Variants in POLR1C observed in about 807,000 individuals in gnomAD.
The protein encoded by POLR1C is DNA-directed RNA polymerases I and III subunit RPAC1.
Under a neutral mutation model 38.3 loss-of-function variants are expected in POLR1C, and 42 were observed. The observed-to-expected ratio is 1.10, with a 90% CI of 0.86 to 1.42. The LOEUF (loss-of-function observed/expected upper bound fraction) is 1.42, where lower values mean the gene tolerates loss of function less well. POLR1C is among the 40% of genes most tolerant of loss of function. POLR1C has a pLI of 0.00. For synonymous variants in POLR1C, 163 were observed against 163.9 expected, an observed-to-expected ratio of 0.99 and a Z score of 0.04; for missense variants, 507 against 450.5, an observed-to-expected ratio of 1.13 and a Z score of -1.14.
In POLR1C at chr6:43,562,397, T is replaced by C. The variant is rs995578351; in HGVS notation, c.*1046T>C. The C allele has an allele frequency of 1.5e-5, 20 of 1,305,076 alleles. No homozygotes were observed. In the Middle Eastern group the frequency reaches 7.2e-4, roughly 47 times the overall value. The allele number at this position is 1,305,076 out of a possible 1,614,324, so 80.8% of individuals were successfully genotyped here. A position where few individuals can be genotyped will look rare whatever the true frequency, so the allele number is the denominator to read the frequency against. On this transcript the variant is annotated 3_prime_UTR_variant, in exon 11 of 11. Coordinates refer to the POLR1C transcript ENST00000607635. ...ACCAACAAAATTAAAAAGGCTGTAA[T>C]AAAAACATCACTTTGTGTCTCATTT...
chr6:43,528,205 T>C, intron 8 of POLR1C: 1 of 1,590,340 alleles, frequency 6.3e-7, no homozygotes, highest in South Asian at 1.1e-5. Flanking sequence ...TGAGAAAGCC[T>C]CTGGGAAAAC....
At chr6:43,551,769 G>T (rs1425073857) in intron 10 of POLR1C, among the ~76,000 whole-genome samples, 2 of 152,078 alleles carry the variant, frequency 1.3e-5, no homozygotes, top group African/African-American at 4.8e-5. Flanking sequence ...GGTTTCAAGT[G>T]ATCCTACGGC....
chr6:43,551,065 T>C (rs981271645), intron 10 of POLR1C: 3 of 345,370 alleles, frequency 8.7e-6, no homozygotes, highest in African/African-American at 6.3e-5. Flanking sequence ...TTTATTAGTT[T>C]GCCTCACATA....
downstream of POLR1C, chr6:43,525,338 T>C (rs1793509447): frequency 1.1e-6 from 1 of 928,746 alleles, no homozygotes; most frequent in Non-Finnish European, 1.6e-6. Context: ...TGGGTTTGTT[T>C]TGTTGCCCAG....
At chr6:43,551,481 C>A (rs746570607) in intron 10 of POLR1C, 1 of 1,604,256 alleles carries the variant, frequency 6.2e-7, no homozygotes, top group South Asian at 1.1e-5. Context: ...AACAGGTTGA[C>A]AATGGCTGCC....
downstream of POLR1C, chr6:43,522,315 A>C (rs1280876759): frequency 6.5e-6 from 1 of 152,684 alleles, no homozygotes; most frequent in African/African-American, 2.4e-5. Flanking sequence ...GACTAGGTTG[A>C]AAAAGGCAGA....
At chr6:43,562,254 G>A (rs755890536) in exon 11 of POLR1C, 1 of 1,605,208 alleles carries the variant, frequency 6.2e-7, no homozygotes, top group East Asian at 2.2e-5. Flanking sequence ...CACCAGCAAT[G>A]CACACAGCTG....
intron 9 of POLR1C, among the ~76,000 whole-genome samples, chr6:43,538,032 C>G (rs1455985906): frequency 7.8e-6 from 1 of 128,100 alleles, no homozygotes; most frequent in Non-Finnish European, 1.5e-5. Flanking sequence ...GTGCAGTGAG[C>G]TGAGATAGCA....
intron 10 of POLR1C, among the ~76,000 whole-genome samples, chr6:43,551,776 C>T (rs541736411): frequency 5.3e-5 from 8 of 152,274 alleles, no homozygotes; most frequent in South Asian, 4.1e-4. Flanking sequence ...AGTGATCCTA[C>T]GGCCTCAGCC....
chr6:43,550,348 T>A (rs1262448911), intron 9 of POLR1C, among the ~76,000 whole-genome samples: 1 of 152,170 alleles, frequency 6.6e-6, no homozygotes, highest in Non-Finnish European at 1.5e-5. Flanking sequence ...CAGACAAGAG[T>A]GTAGTCAAGA....
intron 6 of POLR1C, 27 bp downstream of exon 6, chr6:43,520,454 AAG>A: frequency 6.2e-7 from 1 of 1,612,726 alleles, no homozygotes; most frequent in Non-Finnish European, 8.5e-7. Context: ...CCTTCCTGGG[AAG>A]GGGGATAGTT....
At chr6:43,557,760 T>C (rs1762173988) in intron 10 of POLR1C, among the ~76,000 whole-genome samples, 3 of 110,392 alleles carry the variant, frequency 2.7e-5, no homozygotes, top group Non-Finnish European at 5.2e-5. Flanking sequence ...GTATGGTAAA[T>C]GAATTTTGTC....
downstream of POLR1C, among the ~76,000 whole-genome samples, chr6:43,532,663 G>A (rs75829468): frequency 1.3e-5 from 2 of 152,054 alleles, no homozygotes; most frequent in African/African-American, 2.4e-5. Context: ...TAGCTAGTTC[G>A]TACTCATCCT....
intron 9 of POLR1C, chr6:43,539,636 C>T: frequency 7.6e-7 from 1 of 1,322,514 alleles, no homozygotes; most frequent in Non-Finnish European, 1.1e-6. Context: ...GCGGAAGCCA[C>T]CGCGGTTCCC....
At chr6:43,549,315 C>G (rs955673824) in intron 9 of POLR1C, among the ~76,000 whole-genome samples, 1 of 152,210 alleles carries the variant, frequency 6.6e-6, no homozygotes, top group Non-Finnish European at 1.5e-5. Context: ...CTACCCACCT[C>G]AGTCTCCCAA....
At chr6:43,558,168 G>A (rs1430419208) in intron 10 of POLR1C, among the ~76,000 whole-genome samples, 1 of 152,010 alleles carries the variant, frequency 6.6e-6, no homozygotes, top group African/African-American at 2.4e-5. Context: ...AGAATAAAAT[G>A]GATTTTTCCA....
At chr6:43,536,717 G>A (rs1794345255) in intron 9 of POLR1C, among the ~76,000 whole-genome samples, 1 of 122,188 alleles carries the variant, frequency 8.2e-6, no homozygotes, top group Non-Finnish European at 1.6e-5. Flanking sequence ...CCAAGGTCGC[G>A]CCACTGCACT....
At chr6:43,537,809 G>C (rs1794428872) in intron 9 of POLR1C, among the ~76,000 whole-genome samples, 1 of 152,168 alleles carries the variant, frequency 6.6e-6, no homozygotes, top group Non-Finnish European at 1.5e-5. Context: ...GCTCACGGCT[G>C]TAATCCCAGC....
chr6:43,530,920 G>T, downstream of POLR1C: 1 of 1,437,240 alleles, frequency 7.0e-7, no homozygotes. Flanking sequence ...CTACAATAAG[G>T]TTTTTCAGCC....
Sources: gnomAD v4.1 joint callset for allele counts (sites outside exome capture counted in the v4.1 genomes callset) on GRCh38, gnomAD v4.1.1 for gene constraint, MANE v1.5 for transcripts, NCBI Gene and HGNC (gene_info 2026-07-23, HGNC 2026-07-21) for gene names.